The following ADAMTS6 variants were observed in gnomAD, a reference collection of about 807,000 sequenced individuals.
The protein encoded by ADAMTS6 is ADAM metallopeptidase with thrombospondin type 1 motif 6, also known as A disintegrin and metalloproteinase with thrombospondin motifs 6.
In ADAMTS6, 23 loss-of-function variants were observed where a neutral mutation model predicts 144.3. The observed-to-expected ratio is 0.16, with a 90% CI of 0.11 to 0.23. The LOEUF is 0.23. Ranked by LOEUF, ADAMTS6 falls within the 10% of genes least tolerant of loss-of-function variation. ADAMTS6 has a pLI of 1.00. For synonymous variants in ADAMTS6, 444 were observed against 457.5 expected (o/e 0.97, Z 0.38); for missense variants, 999 against 1,379.6 (o/e 0.72, Z 4.37).
chr5:65,365,916 A>G (rs1044530230), intron 7 of ADAMTS6, among the ~76,000 whole-genome samples: 2 of 152,172 alleles, frequency 1.3e-5, no homozygotes, highest in African/African-American at 4.8e-5. Context: ...ATACATCTAT[A>G]GTTCCAGGAA....
intron 15 of ADAMTS6, among the ~76,000 whole-genome samples, chr5:65,229,495 T>G (rs1042511612): frequency 6.6e-6 from 1 of 151,964 alleles, no homozygotes; most frequent in East Asian, 1.9e-4. Context: ...TGAAAAAGAA[T>G]CCAAAATAAT....
intron 22 of ADAMTS6, among the ~76,000 whole-genome samples, chr5:65,175,723 A>T (rs1356520491): frequency 2.6e-5 from 4 of 152,132 alleles, no homozygotes; most frequent in African/African-American, 9.7e-5. Flanking sequence ...AAAAAGGATG[A>T]TTTAACATTA....
chr5:65,268,265 C>T (rs1354814697), intron 12 of ADAMTS6, among the ~76,000 whole-genome samples: 2 of 152,282 alleles, frequency 1.3e-5, no homozygotes, highest in East Asian at 3.9e-4. Flanking sequence ...TTAAATCAAT[C>T]TATTGGCTAT....
intron 7 of ADAMTS6, among the ~76,000 whole-genome samples, chr5:65,362,877 T>G (rs1481879111): frequency 6.6e-6 from 1 of 152,142 alleles, no homozygotes; most frequent in Non-Finnish European, 1.5e-5. Context: ...AAAGCAAACT[T>G]GAATATCACT....
intron 7 of ADAMTS6, among the ~76,000 whole-genome samples, chr5:65,349,743 T>C (rs893011878): frequency 3.3e-5 from 5 of 151,686 alleles, no homozygotes; most frequent in African/African-American, 4.8e-5. Context: ...TAATCCCAGC[T>C]ACTTGGGAGG....
intron 9 of ADAMTS6, among the ~76,000 whole-genome samples, chr5:65,320,587 A>G (rs1039837280): frequency 2.6e-5 from 4 of 151,978 alleles, no homozygotes; most frequent in Non-Finnish European, 5.9e-5. Context: ...TCAAGGGTAC[A>G]AGTGAAGGTT....
intron 22 of ADAMTS6, among the ~76,000 whole-genome samples, chr5:65,177,556 A>G (rs749571196): frequency 3.2e-4 from 48 of 152,316 alleles, no homozygotes; most frequent in Non-Finnish European, 5.3e-4. Context: ...CCCCCAATGT[A>G]GAGCTTTTAT....
At chr5:65,433,422 C>T (rs998626233) in intron 7 of ADAMTS6, among the ~76,000 whole-genome samples, 5 of 152,216 alleles carry the variant, frequency 3.3e-5, no homozygotes, top group African/African-American at 4.8e-5. Context: ...GCAAGGTTTG[C>T]GTGACTACAA....
intron 7 of ADAMTS6, among the ~76,000 whole-genome samples, chr5:65,383,847 C>T (rs1467869669): frequency 1.3e-5 from 2 of 152,182 alleles, no homozygotes; most frequent in Admixed American, 1.3e-4. Context: ...CTGTGGCATC[C>T]TTTGGAATCT....
intron 20 of ADAMTS6, among the ~76,000 whole-genome samples, chr5:65,197,388 T>C (rs1196545228): frequency 6.6e-6 from 1 of 152,222 alleles, no homozygotes; most frequent in South Asian, 2.1e-4. Context: ...AAAGAAACTA[T>C]TGGTAATCTT....
intron 14 of ADAMTS6, among the ~76,000 whole-genome samples, chr5:65,249,024 T>C (rs1048566186): frequency 6.6e-6 from 1 of 152,074 alleles, no homozygotes; most frequent in African/African-American, 2.4e-5. Flanking sequence ...TGTGTGTGTG[T>C]GTGCGCGCAT....
At chr5:65,464,534 A>G (rs1369579811) in intron 3 of ADAMTS6, among the ~76,000 whole-genome samples, 2 of 152,214 alleles carry the variant, frequency 1.3e-5, no homozygotes, top group African/African-American at 4.8e-5. Context: ...GAAATGTTAA[A>G]TTTCCATTAA....
chr5:65,284,750 A>T (rs994745701), intron 11 of ADAMTS6, among the ~76,000 whole-genome samples: 1 of 152,142 alleles, frequency 6.6e-6, no homozygotes, highest in African/African-American at 2.4e-5. Flanking sequence ...TCACAAATGT[A>T]TTTCCACTGG....
At chr5:65,265,695 G>A (rs1561350935) in intron 12 of ADAMTS6, among the ~76,000 whole-genome samples, 1 of 151,732 alleles carries the variant, frequency 6.6e-6, no homozygotes, top group Non-Finnish European at 1.5e-5. Flanking sequence ...TAACATTAAA[G>A]CTTGATTTTA....
At chr5:65,280,117 T>TATGGGAGCC (rs945183132) in intron 11 of ADAMTS6, among the ~76,000 whole-genome samples, 9 of 152,190 alleles carry the variant, frequency 5.9e-5, no homozygotes, top group Non-Finnish European at 1.3e-4. Flanking sequence ...TTCAGTTTCT[T>TATGGGAGCC]ATGGGAGCCA....
chr5:65,463,997 T>C (rs1268742238), intron 3 of ADAMTS6, among the ~76,000 whole-genome samples: 1 of 152,228 alleles, frequency 6.6e-6, no homozygotes, highest in Non-Finnish European at 1.5e-5. Flanking sequence ...CCTCATGCCA[T>C]GATCTTCTCC....
At chr5:65,279,121 T>C (rs1762790690) in intron 11 of ADAMTS6, among the ~76,000 whole-genome samples, 1 of 152,026 alleles carries the variant, frequency 6.6e-6, no homozygotes, top group South Asian at 2.1e-4. Context: ...TTTTTGTATT[T>C]TTTGGTAGAC....
intron 11 of ADAMTS6, among the ~76,000 whole-genome samples, chr5:65,275,780 T>G (rs960043515): frequency 6.6e-6 from 1 of 151,966 alleles, no homozygotes; most frequent in Non-Finnish European, 1.5e-5. Flanking sequence ...GCAGTAAGAG[T>G]AACATTTAAG....
chr5:65,359,940 A>G (rs776611725), intron 7 of ADAMTS6, among the ~76,000 whole-genome samples: 2 of 152,218 alleles, frequency 1.3e-5, no homozygotes, highest in Admixed American at 1.3e-4. Flanking sequence ...CATGGTGACT[A>G]TAGCTGATAA....
Sources: gnomAD v4.1 joint callset for allele counts (sites outside exome capture counted in the v4.1 genomes callset) on GRCh38, gnomAD v4.1.1 for gene constraint, MANE v1.5 for transcripts, NCBI Gene and HGNC (gene_info 2026-07-23, HGNC 2026-07-21) for gene names.